The following CFAP92 variants were observed in gnomAD, a reference collection of about 807,000 sequenced individuals.
CFAP92 encodes uncharacterized protein CFAP92.
Under a neutral mutation model 106.3 loss-of-function variants are expected in CFAP92, and 86 were observed. The ratio of observed to expected loss-of-function variants is 0.81; its 90% CI spans 0.68 to 0.97. The LOEUF is 0.97. CFAP92 is among the 50% of genes least tolerant of loss of function. CFAP92 has a pLI of 0.00. For missense variants in CFAP92, 1,204 were observed against 1,283.8 expected (o/e 0.94, Z 0.95); for synonymous variants, 477 against 506.4 (o/e 0.94, Z 0.78).
intron 12 of CFAP92, among the ~76,000 whole-genome samples, chr3:128,917,863 A>G (rs1394933304): frequency 1.3e-5 from 2 of 152,234 alleles, no homozygotes; most frequent in African/African-American, 4.8e-5. Flanking sequence ...TAACATCCAA[A>G]TAACAGAAAT....
chr3:128,973,664 A>G (rs1942964160), intron 7 of CFAP92, among the ~76,000 whole-genome samples: 1 of 151,894 alleles, frequency 6.6e-6, no homozygotes, highest in Non-Finnish European at 1.5e-5. Flanking sequence ...CTCAAGAAAA[A>G]AAAAAAAAAA....
At chr3:128,956,919 G>A (rs1252109230) in intron 9 of CFAP92, among the ~76,000 whole-genome samples, 1 of 145,788 alleles carries the variant, frequency 6.9e-6, no homozygotes, top group African/African-American at 2.6e-5. Flanking sequence ...GGCAGACGTT[G>A]CAGTGAGCCA....
At chr3:129,012,180 C>T in the CFAP92 span, among the ~76,000 whole-genome samples, 1 of 152,238 alleles carries the variant, frequency 6.6e-6, no homozygotes, top group East Asian at 1.9e-4. Flanking sequence ...TCTTAGGAAG[C>T]TTCAGCTCAA....
intron 10 of CFAP92, among the ~76,000 whole-genome samples, chr3:128,942,563 C>G (rs1432859728): frequency 6.6e-6 from 1 of 152,218 alleles, no homozygotes; most frequent in Non-Finnish European, 1.5e-5. Context: ...AGTCCCCTCC[C>G]TGAACAAAGA....
At chr3:128,969,174 C>T (rs1321847614) in intron 8 of CFAP92, 1 of 152,060 alleles carries the variant, frequency 6.6e-6, no homozygotes, top group Non-Finnish European at 1.5e-5. Flanking sequence ...ACCCCCTGCC[C>T]CCAAAACATT....
At chr3:129,018,832 T>C in the CFAP92 span, among the ~76,000 whole-genome samples, 2 of 152,198 alleles carry the variant, frequency 1.3e-5, no homozygotes, top group South Asian at 4.1e-4. Context: ...TTGGCGGCGT[T>C]GTGGCACATG....
chr3:128,933,120 C>G (rs1938582339), intron 11 of CFAP92, 123 bp from the exon 12 acceptor site: 12 of 890,530 alleles, frequency 1.3e-5, no homozygotes, highest in Non-Finnish European at 1.7e-5. Flanking sequence ...AGTCCTGGAG[C>G]TTGTGACTAA....
chr3:129,003,863 G>T, upstream of CFAP92: 1 of 1,440,388 alleles, frequency 6.9e-7, no homozygotes, highest in East Asian at 3.1e-5. Flanking sequence ...TGCGGTGCGG[G>T]AGCTGCGTCA....
chr3:128,960,564 C>T (rs367815240), intron 9 of CFAP92, among the ~76,000 whole-genome samples: 9 of 152,360 alleles, frequency 5.9e-5, no homozygotes, highest in Admixed American at 2.0e-4. Context: ...CCCAAAACTC[C>T]GGCGCCGGTC....
intron 10 of CFAP92, among the ~76,000 whole-genome samples, chr3:128,939,806 C>T (rs996309603): frequency 4.6e-5 from 7 of 152,148 alleles, no homozygotes; most frequent in Non-Finnish European, 5.9e-5. Flanking sequence ...ATAAGGAATG[C>T]GCAACCTAGG....
chr3:129,018,225 T>A, the CFAP92 span, among the ~76,000 whole-genome samples: 1 of 152,280 alleles, frequency 6.6e-6, no homozygotes, highest in South Asian at 2.1e-4. Context: ...TTTGCCTCCA[T>A]AGGGAGACAA....
At chr3:129,012,874 C>A in the CFAP92 span, among the ~76,000 whole-genome samples, 2 of 152,292 alleles carry the variant, frequency 1.3e-5, no homozygotes, top group South Asian at 4.1e-4. Flanking sequence ...GAAGAGCGGG[C>A]ATTGGGCATT....
At chr3:128,967,316 C>G (rs529331164) in intron 8 of CFAP92, 1 of 152,258 alleles carries the variant, frequency 6.6e-6, no homozygotes, top group Non-Finnish European at 1.5e-5. Flanking sequence ...CTCATGCTCC[C>G]GCAGGATCCT....
the CFAP92 span, among the ~76,000 whole-genome samples, chr3:129,024,713 C>A: frequency 6.6e-6 from 1 of 152,070 alleles, no homozygotes; most frequent in Non-Finnish European, 1.5e-5. Flanking sequence ...CTGGAGCCCA[C>A]TCCTGCAGTA....
At chr3:128,934,636 T>G (rs1420458891) in intron 11 of CFAP92, among the ~76,000 whole-genome samples, 1 of 152,100 alleles carries the variant, frequency 6.6e-6, no homozygotes, top group East Asian at 1.9e-4. Context: ...GTTCAAGAGA[T>G]TCTCCTGCCT....
At chr3:128,969,136 A>C (rs1942596447) in intron 8 of CFAP92, 1 of 147,714 alleles carries the variant, frequency 6.8e-6, no homozygotes, top group Non-Finnish European at 1.5e-5. Context: ...AATTCTCCCC[A>C]CCCTTGAGAA....
chr3:129,018,411 T>G, the CFAP92 span, among the ~76,000 whole-genome samples: 2 of 152,354 alleles, frequency 1.3e-5, no homozygotes, highest in Admixed American at 1.3e-4. Context: ...CATATGAAAA[T>G]TTCATAAAAT....
At chr3:128,987,915 G>T in intron 3 of CFAP92, 86 bp from the exon 4 acceptor site, 1 of 1,152,084 alleles carries the variant, frequency 8.7e-7, no homozygotes, top group Non-Finnish European at 1.2e-6. Flanking sequence ...CCCCAGCCTG[G>T]CCCTCAGCAG....
the CFAP92 span, among the ~76,000 whole-genome samples, chr3:129,016,815 T>C: frequency 1.3e-5 from 2 of 152,180 alleles, no homozygotes; most frequent in Admixed American, 6.5e-5. Flanking sequence ...CTAAGGACTT[T>C]ATCTGTACAA....
Sources: allele counts gnomAD v4.1 joint callset (sites outside exome capture counted in the v4.1 genomes callset), GRCh38; gene constraint gnomAD v4.1.1; transcripts MANE v1.5; gene names NCBI Gene and HGNC (gene_info 2026-07-23, HGNC 2026-07-21).